Variants in RNF17 observed in about 807,000 individuals in gnomAD.
RNF17 encodes ring finger protein 17, also known as spermatogenesis associated 23.
A neutral mutation model predicts 200.5 loss-of-function variants in RNF17; 31 were observed. The ratio of observed to expected loss-of-function variants is 0.15; its 90% CI spans 0.12 to 0.21. The LOEUF is 0.21. Among genes scored for constraint, RNF17 ranks in the 10% least tolerant of loss-of-function variants. RNF17 has a pLI of 1.00. For synonymous variants in RNF17, 606 were observed against 637.8 expected (o/e 0.95, Z 0.75); for missense variants, 1,628 against 1,905.1 (o/e 0.85, Z 2.71).
At position 24,861,292 on chromosome 13, in the gene RNF17, A is replaced by G; in HGVS notation, c.3799A>G (p.Thr1267Ala). The G allele has an allele frequency of 6.3e-7, 1 of 1,595,206 alleles. No individual in the cohort carries two copies. The highest frequency in any genetic ancestry group is 8.6e-7 in the Non-Finnish European group (1 of 1,169,312). The change falls in exon 27 of 36, where the codon ACT becomes GCT. Residue 1267 changes from threonine to alanine, a missense_variant. Around this residue, in one of 5 missense-constraint regions of RNF17, gnomAD observed 609 missense variants for 681.9 expected, o/e 0.89. Coordinates refer to ENST00000255324, the MANE Select transcript of RNF17 (RefSeq NM_031277.3). ...GGTACAATATTTAGATCATGGATTC[A>G]CTGAAAAGATTCCGCAGTGCCATCT... ...VRVQYLDHGF[T>A]EKIPQCHLYP...
At chr13:24,831,539 G>A (rs890685976) in intron 17 of RNF17, among the ~76,000 whole-genome samples, 1 of 152,166 alleles carries the variant, frequency 6.6e-6, no homozygotes, top group Non-Finnish European at 1.5e-5. Flanking sequence ...TGTGCTTTCA[G>A]CAGTTATAGA....
the RNF17 span, chr13:24,750,820 A>G: frequency 6.6e-6 from 1 of 151,440 alleles, no homozygotes; most frequent in Non-Finnish European, 1.5e-5. Flanking sequence ...ATTAATTACT[A>G]TTTGTTCATT....
intron 19 of RNF17, among the ~76,000 whole-genome samples, chr13:24,843,456 T>TG (rs1330523629): frequency 2.6e-5 from 4 of 152,090 alleles, no homozygotes; most frequent in Middle Eastern, 3.2e-3. Flanking sequence ...AGGCGCAAGC[T>TG]GCAGTGAGCC....
chr13:24,854,364 A>G (rs541834157), intron 25 of RNF17, among the ~76,000 whole-genome samples: 2 of 152,318 alleles, frequency 1.3e-5, no homozygotes, highest in Non-Finnish European at 2.9e-5. Flanking sequence ...TAATTATATT[A>G]TGTGAGTGCT....
chr13:24,866,732 T>G (rs1893664084), intron 30 of RNF17, among the ~76,000 whole-genome samples: 1 of 132,702 alleles, frequency 7.5e-6, no homozygotes, highest in Non-Finnish European at 1.6e-5. Flanking sequence ...TGCTGTCTGA[T>G]CAGGTACAAG....
intron 6 of RNF17, among the ~76,000 whole-genome samples, chr13:24,787,028 G>A (rs964821469): frequency 2.0e-5 from 3 of 151,326 alleles, no homozygotes; most frequent in African/African-American, 7.3e-5. Context: ...TTTTTTTCAG[G>A]CTTCATTATT....
At chr13:24,847,358 T>TA (rs1566217726) in intron 22 of RNF17, among the ~76,000 whole-genome samples, 3 of 151,508 alleles carry the variant, frequency 2.0e-5, no homozygotes, top group African/African-American at 7.3e-5. Context: ...TATTTTTTTT[T>TA]TTTTTGAGAC....
intron 26 of RNF17, among the ~76,000 whole-genome samples, chr13:24,860,136 TGAATG>T (rs1184932066): frequency 6.6e-6 from 1 of 151,700 alleles, no homozygotes; most frequent in Non-Finnish European, 1.5e-5. Context: ...CTGAGCAACT[TGAATG>T]TATGTGCAAA....
rs760464555 is a variant in RNF17 at position 24,831,810 on chromosome 13, G to C, written c.2362-48G>C. 3.9e-6 allele frequency: 6 copies of C among 1,525,012 alleles called. No homozygotes were observed. The Admixed American group carries it at 1.2e-4, about 32-fold the overall frequency. 94.5% of individuals were successfully genotyped at this position (1,525,012 alleles called of 1,614,324 possible). A position where few individuals can be genotyped will look rare whatever the true frequency, so the allele number is the denominator to read the frequency against. ...TTAATAAAACTTGAATTCTAAAGTA[G>C]GTAGAAATTAAATTTTTTTCTTAAT... On this transcript the variant is annotated intron_variant, in intron 17 of 35. Coordinates refer to ENST00000255324, the MANE Select transcript of RNF17 (RefSeq NM_031277.3).
intron 25 of RNF17, among the ~76,000 whole-genome samples, 178 bp from the exon 26 acceptor site, chr13:24,858,823 A>T (rs1422745987): frequency 6.6e-6 from 1 of 152,016 alleles, no homozygotes; most frequent in Non-Finnish European, 1.5e-5. Context: ...ATATAATCAA[A>T]GATCATAATA....
At chr13:24,886,176 C>A in the RNF17 span, 2 of 550,238 alleles carry the variant, frequency 3.6e-6, no homozygotes, top group Non-Finnish European at 6.3e-6. Context: ...TCTAAAAATA[C>A]ACTGAAGTGC....
At chr13:24,749,579 T>G in the RNF17 span, among the ~76,000 whole-genome samples, 1 of 152,228 alleles carries the variant, frequency 6.6e-6, no homozygotes, top group African/African-American at 2.4e-5. Context: ...AATGAGCTTT[T>G]GACTATATGC....
chr13:24,789,803 T>TTA, intron 9 of RNF17, 31 bp downstream of exon 9: 2 of 1,181,642 alleles, frequency 1.7e-6, no homozygotes, highest in South Asian at 1.2e-5. Flanking sequence ...TAACATGCCA[T>TTA]TAGTGTCTGA....
intron 33 of RNF17, among the ~76,000 whole-genome samples, chr13:24,875,306 G>A (rs553025321): frequency 7.2e-5 from 11 of 152,248 alleles, no homozygotes; most frequent in African/African-American, 2.6e-4. Flanking sequence ...AATGTTTATG[G>A]AAATAATGCC....
intron 26 of RNF17, among the ~76,000 whole-genome samples, chr13:24,859,961 G>A (rs2138304275): frequency 6.6e-6 from 1 of 151,974 alleles, no homozygotes; most frequent in Non-Finnish European, 1.5e-5. Context: ...AGGGTCACTG[G>A]GTAGTAATGC....
chr13:24,863,138 C>T (rs568864734), intron 28 of RNF17, among the ~76,000 whole-genome samples: 1 of 152,254 alleles, frequency 6.6e-6, no homozygotes, highest in East Asian at 1.9e-4. Context: ...TGTCTCGGGT[C>T]CAGGTAATTC....
At chr13:24,822,040 C>G (rs767703592) in intron 15 of RNF17, among the ~76,000 whole-genome samples, 1 of 152,008 alleles carries the variant, frequency 6.6e-6, no homozygotes, top group Admixed American at 6.6e-5. Context: ...GTGGATGTGC[C>G]GGATTTTGTA....
chr13:24,882,868 T>G (rs894845092), downstream of RNF17: 1 of 209,906 alleles, frequency 4.8e-6, no homozygotes, highest in South Asian at 3.7e-5. Flanking sequence ...CTTCCTGTAC[T>G]TCTTGGTTTT....
intron 19 of RNF17, among the ~76,000 whole-genome samples, chr13:24,842,630 T>C (rs1039284007): frequency 3.3e-5 from 5 of 152,132 alleles, no homozygotes; most frequent in African/African-American, 1.2e-4. Flanking sequence ...GGCTAGTGGT[T>C]AGGGTGACCC....
Sources: gnomAD v4.1 joint callset for allele counts (sites outside exome capture counted in the v4.1 genomes callset) on GRCh38, gnomAD v4.1.1 for gene constraint, gnomAD v4.1.1 regional missense constraint, MANE v1.5 for transcripts, NCBI Gene and HGNC (gene_info 2026-07-23, HGNC 2026-07-21) for gene names.